KCNH1: variants seen among roughly 807,000 people sequenced by gnomAD.
KCNH1 encodes the protein voltage-gated delayed rectifier potassium channel KCNH1.
Under a neutral mutation model 69.2 loss-of-function variants are expected in KCNH1, and 27 were observed. The ratio of observed to expected loss-of-function variants is 0.39; its 90% CI spans 0.29 to 0.54. The LOEUF (loss-of-function observed/expected upper bound fraction) is 0.54. Among genes scored for constraint, KCNH1 ranks in the 20% least tolerant of loss-of-function variants. KCNH1 has a pLI of 0.68. For missense variants in KCNH1, 798 were observed against 1,261.6 expected, an observed-to-expected ratio of 0.63 and a Z score of 5.57; for synonymous variants, 456 against 487.7, an observed-to-expected ratio of 0.93 and a Z score of 0.86.
intron 7 of KCNH1, among the ~76,000 whole-genome samples, chr1:210,853,733 C>A (rs1316850156): frequency 1.3e-5 from 2 of 152,074 alleles, no homozygotes. Context: ...ATCTTTCTTG[C>A]CAAATGGATC....
intron 7 of KCNH1, among the ~76,000 whole-genome samples, chr1:210,819,809 TA>T (rs1255946259): frequency 6.6e-6 from 1 of 152,248 alleles, no homozygotes; most frequent in African/African-American, 2.4e-5. Context: ...ACCAAGACTG[TA>T]ACAGTGCTTA....
chr1:210,819,605 A>C (rs200242102), intron 7 of KCNH1, among the ~76,000 whole-genome samples: 1 of 134,752 alleles, frequency 7.4e-6, no homozygotes, highest in African/African-American at 3.2e-5. Flanking sequence ...AAAGTTTAGG[A>C]AAAAAAAAAC....
intron 7 of KCNH1, among the ~76,000 whole-genome samples, chr1:210,901,585 A>T (rs960137584): frequency 6.6e-6 from 1 of 152,180 alleles, no homozygotes; most frequent in Non-Finnish European, 1.5e-5. Flanking sequence ...AAGAAGTGAA[A>T]GACACCAAGG....
At position 211,019,275 on chromosome 1, in the gene KCNH1, C is replaced by T. The variant is rs1466023239; in HGVS notation, c.559-19G>A. 6.6e-7 allele frequency: 1 copy of T among 1,510,060 alleles called. No individual in the cohort carries two copies. Among genetic ancestry groups the T allele is most frequent in the Admixed American group, 1.8e-5 (1 of 54,310 alleles). The allele number at this position is 1,510,060 out of a possible 1,614,324, so 93.5% of individuals were successfully genotyped here. A position where few individuals can be genotyped will look rare whatever the true frequency, so the allele number is the denominator to read the frequency against. ...GTAGGACCTGTACAGAAAAACATGA[C>T]CAAGAGAGAACTAAGTTAGGATTTA... On this transcript the variant is annotated intron_variant, in intron 5 of 10. Coordinates refer to ENST00000271751, the MANE Select transcript of KCNH1 (RefSeq NM_172362.3).
At chr1:210,852,238 AG>A (rs764910006) in intron 7 of KCNH1, among the ~76,000 whole-genome samples, 44 of 152,316 alleles carry the variant, frequency 2.9e-4, no homozygotes, top group Non-Finnish European at 5.6e-4. Context: ...TCATAGGCAA[AG>A]GCCCAGAGGG....
chr1:210,735,421 AGTGTGTGTGTGTGTGTGT>A (rs71146244), intron 10 of KCNH1, among the ~76,000 whole-genome samples: 100 of 132,098 alleles, frequency 7.6e-4, no homozygotes, highest in African/African-American at 2.5e-3. Context: ...TGAGTGAGTG[AGTGTGTGTGTGTGTGTGT>A]GTGTGTGTGT....
intron 5 of KCNH1, among the ~76,000 whole-genome samples, chr1:211,057,293 T>C (rs115718872): frequency 0.016 from 2,457 of 152,156 alleles, 67 homozygotes; most frequent in African/African-American, 0.056. Flanking sequence ...AAAGAAACAG[T>C]GAGCTTGAAG....
At position 211,093,127 on chromosome 1, in the gene KCNH1, C is replaced by T. The variant is rs538355662; in HGVS notation, c.311-2437G>A. Among the ~76,000 whole-genome samples the T allele has an allele frequency of 4.6e-5, 7 of 152,302 alleles. No individual in the cohort carries two copies. In the East Asian group the frequency reaches 7.7e-4, roughly 17 times the overall value. On this transcript the variant is annotated intron_variant, in intron 3 of 10. Coordinates refer to ENST00000271751, the MANE Select transcript of KCNH1 (RefSeq NM_172362.3). ...CCTGCAGCCCATCACTGCACTGCAC[C>T]GGCTGGGCCCGATGCCTGGGAACTT...
At chr1:210,788,522 G>A (rs1400473144) in intron 9 of KCNH1, among the ~76,000 whole-genome samples, 3 of 151,924 alleles carry the variant, frequency 2.0e-5, no homozygotes, top group Non-Finnish European at 4.4e-5. Context: ...CAGTGTCTTC[G>A]GGGACTGTAA....
chr1:210,682,430 G>C lies in KCNH1; in HGVS notation c.*851C>G, dbSNP rs1447749743. ...CTGAGGAATGCCATGGGGACACTTGGGAAGAGGCCAAGAAGGAACAGAAGC... is the reference window on the plus strand; with the variant it reads ...CTGAGGAATGCCATGGGGACACTTGCGAAGAGGCCAAGAAGGAACAGAAGC... On this transcript the variant is annotated 3_prime_UTR_variant, in exon 11 of 11. Coordinates refer to ENST00000271751, the MANE Select transcript of KCNH1 (RefSeq NM_172362.3). 1.3e-5 allele frequency: 2 copies of C among 152,338 alleles called. No homozygotes were observed. Among genetic ancestry groups the C allele is most frequent in the Admixed American group, 6.5e-5 (1 of 15,284 alleles). 9.4% of individuals were successfully genotyped at this position (152,338 alleles called of 1,614,324 possible).
intron 7 of KCNH1, among the ~76,000 whole-genome samples, chr1:210,897,303 G>T (rs1041698660): frequency 3.3e-5 from 5 of 152,198 alleles, no homozygotes; most frequent in Admixed American, 2.6e-4. Context: ...GGAGCTCAAT[G>T]GACTGAACAT....
intron 10 of KCNH1, among the ~76,000 whole-genome samples, chr1:210,709,500 T>C (rs1219359766): frequency 2.0e-5 from 3 of 152,112 alleles, no homozygotes; most frequent in Non-Finnish European, 4.4e-5. Context: ...TTTAAGCTGC[T>C]CAATTGGTGG....
At chr1:210,783,007 T>C (rs1179831771) in intron 9 of KCNH1, among the ~76,000 whole-genome samples, 2 of 152,240 alleles carry the variant, frequency 1.3e-5, no homozygotes, top group Non-Finnish European at 2.9e-5. Flanking sequence ...CTGTGAAGTT[T>C]ACATGAATGA....
chr1:210,693,810 G>T (rs1206508652), intron 10 of KCNH1, among the ~76,000 whole-genome samples: 1 of 152,124 alleles, frequency 6.6e-6, no homozygotes, highest in Non-Finnish European at 1.5e-5. Context: ...GTCCCTGAGG[G>T]GCATTTGCAG....
chr1:211,088,216 A>G (rs1036758837), intron 4 of KCNH1, among the ~76,000 whole-genome samples: 2 of 152,208 alleles, frequency 1.3e-5, no homozygotes, highest in African/African-American at 4.8e-5. Context: ...GATTATCCAC[A>G]TTTCCATTCC....
At chr1:210,736,550 A>ACC (rs1558447369) in intron 10 of KCNH1, among the ~76,000 whole-genome samples, 22 of 150,870 alleles carry the variant, frequency 1.5e-4, no homozygotes, top group African/African-American at 4.4e-4. Flanking sequence ...TCCCCCCTCC[A>ACC]AAAAAAAATT....
At chr1:211,077,781 G>C (rs1051532877) in intron 5 of KCNH1, among the ~76,000 whole-genome samples, 5 of 152,098 alleles carry the variant, frequency 3.3e-5, no homozygotes, top group Admixed American at 1.3e-4. Flanking sequence ...AAGTAAATGG[G>C]CAAAATGCCC....
chr1:210,787,576 GATATGAAAGACT>G (rs1323639069), intron 9 of KCNH1, among the ~76,000 whole-genome samples: 2 of 152,126 alleles, frequency 1.3e-5, no homozygotes, highest in African/African-American at 2.4e-5. Flanking sequence ...GTTAGTCCAG[GATATGAAAGACT>G]TAGAATGTCT....
intron 6 of KCNH1, among the ~76,000 whole-genome samples, chr1:211,002,310 A>G (rs1027295032): frequency 7.0e-6 from 1 of 142,088 alleles, no homozygotes; most frequent in African/African-American, 2.7e-5. Flanking sequence ...GTATACATGT[A>G]TACGTGTATA....
Sources: allele counts gnomAD v4.1 joint callset (sites outside exome capture counted in the v4.1 genomes callset), GRCh38; gene constraint gnomAD v4.1.1; transcripts MANE v1.5; gene names NCBI Gene and HGNC (gene_info 2026-07-23, HGNC 2026-07-21).